Variants in PCDHGA5 observed in about 807,000 individuals in gnomAD.
PCDHGA5 encodes the protein protocadherin gamma-A5.
Under a neutral mutation model 56.7 loss-of-function variants are expected in PCDHGA5, and 36 were observed. The observed-to-expected ratio is 0.64, with a 90% confidence interval of 0.49 to 0.84. PCDHGA5 has a LOEUF of 0.84. PCDHGA5 is among the 40% of genes least tolerant of loss of function. The pLI, the probability that PCDHGA5 is intolerant of heterozygous loss-of-function variation, is 0.00. For missense variants in PCDHGA5, 1,305 were observed against 1,201.5 expected (o/e 1.09, Z -1.27); for synonymous variants, 563 against 520.2 (o/e 1.08, Z -1.12).
At chr5:141,408,947 ATTAGTC>A in intron 1 of PCDHGA5, 6 of 1,613,666 alleles carry the variant, frequency 3.7e-6, no homozygotes, top group Non-Finnish European at 5.1e-6. Context: ...CGAATATAGA[ATTAGTC>A]TTAGTGAAAA....
intron 1 of PCDHGA5, chr5:141,376,596 T>C: frequency 6.5e-7 from 1 of 1,549,136 alleles, no homozygotes; most frequent in South Asian, 1.2e-5. Flanking sequence ...GATCGGCTGT[T>C]ATAGAAGCGA....
chr5:141,494,701 C>G, intron 1 of PCDHGA5, 106 bp from the exon 2 acceptor site: 1 of 1,594,596 alleles, frequency 6.3e-7, no homozygotes, highest in Non-Finnish European at 8.6e-7. Context: ...CCGTTTTCTT[C>G]TCTGTGCCCA....
chr5:141,375,629 G>A (rs567513392), intron 1 of PCDHGA5: 3 of 1,614,192 alleles, frequency 1.9e-6, no homozygotes, highest in Admixed American at 1.7e-5. Flanking sequence ...GATTCTGTAC[G>A]CCCTGCGCTC....
intron 1 of PCDHGA5, among the ~76,000 whole-genome samples, chr5:141,434,467 T>C (rs1397980716): frequency 6.6e-6 from 1 of 152,226 alleles, no homozygotes; most frequent in Non-Finnish European, 1.5e-5. Flanking sequence ...TTTACCGGAA[T>C]GAGGGCAAGG....
intron 1 of PCDHGA5, among the ~76,000 whole-genome samples, chr5:141,460,653 GT>G (rs2098994590): frequency 6.6e-6 from 1 of 151,844 alleles, no homozygotes; most frequent in Admixed American, 6.6e-5. Context: ...TTACACATAT[GT>G]AACTGTAAAC....
chr5:141,374,152 G>T (rs1190094932), intron 1 of PCDHGA5: 1 of 1,612,132 alleles, frequency 6.2e-7, no homozygotes. Context: ...TGGGGACGCT[G>T]TGGGGGGCCG....
rs201673318 is a variant in PCDHGA5, at chr5:141,421,626, C to G, written c.2421+54875C>G. On this transcript the variant is annotated intron_variant, in intron 1 of 3. Coordinates refer to ENST00000518069, the MANE Select transcript of PCDHGA5 (RefSeq NM_018918.3). ...TAGATATTAATGATAACGCCCCCAG[C>G]TTCCAGGAGGACGAAGTGGAGATAA... 1.9e-6 allele frequency: 3 copies of G among 1,613,842 alleles called. No individual in the cohort carries two copies. In the African/African-American group the frequency reaches 4.0e-5, roughly 21 times the overall value.
chr5:141,482,758 T>TGC (rs1413945459), intron 1 of PCDHGA5, among the ~76,000 whole-genome samples: 74 of 141,724 alleles, frequency 5.2e-4, no homozygotes, highest in African/African-American at 9.9e-4. Flanking sequence ...ATTATGGTAT[T>TGC]TCATTATCAC....
Position 141,486,824 on chromosome 5 carries a change from G to A in PCDHGA5, c.2422-7983G>A, listed in dbSNP as rs749609525. On this transcript the variant is annotated intron_variant, in intron 1 of 3. Coordinates refer to ENST00000518069, the MANE Select transcript of PCDHGA5 (RefSeq NM_018918.3). The surrounding 1 kb of genome is among the most constrained non-coding windows in gnomAD (Gnocchi z 5.0). ...CCCACCCCTTAGCAGCACTGTAACA[G>A]TTCGTCTATTTGTGCTGGACCTCAA... is the stretch of plus-strand genomic sequence containing the variant. 1 of 1,614,218 alleles carries A rather than the reference G, an allele frequency of 6.2e-7. No homozygotes were observed. Among genetic ancestry groups the A allele is most frequent in the Non-Finnish European group, 8.5e-7 (1 of 1,180,028 alleles).
In PCDHGA5 at chr5:141,364,193, A is replaced by G. The variant is rs1588593751; in HGVS notation, c.-138A>G. On this transcript the variant is annotated 5_prime_UTR_variant, in exon 1 of 4. Coordinates refer to ENST00000518069, the MANE Select transcript of PCDHGA5 (RefSeq NM_018918.3). ...ACTCTGCTCCCTCCATACTAAACAC[A>G]CAGACCAGACAAGCTCCTACGAAAA... The G allele has an allele frequency of 9.4e-7, 1 of 1,067,164 alleles. No homozygotes were observed. The highest frequency in any genetic ancestry group is 1.3e-6 in the Non-Finnish European group (1 of 771,834). The allele number at this position is 1,067,164 out of a possible 1,614,324, so 66.1% of individuals were successfully genotyped here.
intron 3 of PCDHGA5, among the ~76,000 whole-genome samples, chr5:141,510,329 A>T (rs1433056614): frequency 2.7e-5 from 4 of 150,230 alleles, no homozygotes; most frequent in Admixed American, 2.7e-4. Flanking sequence ...AGCACTCTTC[A>T]CCCCCACCCC....
intron 3 of PCDHGA5, 137 bp from the exon 4 acceptor site, chr5:141,510,810 A>T: frequency 6.6e-7 from 1 of 1,519,768 alleles, no homozygotes; most frequent in African/African-American, 1.4e-5. Context: ...TACCTTGGTG[A>T]CCCCTATATT....
At chr5:141,407,336 G>C (rs1005803062) in intron 1 of PCDHGA5, among the ~76,000 whole-genome samples, 1 of 152,124 alleles carries the variant, frequency 6.6e-6, no homozygotes, top group South Asian at 2.1e-4. Context: ...ATATTGAAAT[G>C]TATGTTAATT....
chr5:141,482,728 A>T (rs192207285), intron 1 of PCDHGA5, among the ~76,000 whole-genome samples: 97 of 128,396 alleles, frequency 7.6e-4, no homozygotes, highest in Admixed American at 3.3e-3. Context: ...GGGCCATTGC[A>T]AGAAATTCCA....
In PCDHGA5 at chr5:141,403,683, A is replaced by G. The variant is rs757429628; in HGVS notation, c.2421+36932A>G. 2.5e-6 allele frequency: 4 copies of G among 1,613,804 alleles called. No individual in the cohort carries two copies. The highest frequency in any genetic ancestry group is 1.7e-6 in the Non-Finnish European group (2 of 1,179,888). ...AATGATAATGCCCCGGTTTTTGCTC[A>G]ACGGATTTACCGAGTTAAAGTCCTT... On this transcript the variant is annotated intron_variant, in intron 1 of 3. Transcript: ENST00000518069.
chr5:141,489,427 C>G lies in PCDHGA5; in HGVS notation c.2422-5380C>G, dbSNP rs370540900. ...AAAGATGACAGATCTGTTGAGCCGG[C>G]GGCTGCAATTGGGCTCTGAGGAGAA... On this transcript the variant is annotated intron_variant, in intron 1 of 3. Transcript: ENST00000518069. The surrounding 1 kb of genome is among the most constrained non-coding windows in gnomAD (Gnocchi z 4.5). 6.2e-7 allele frequency: 1 copy of G among 1,614,108 alleles called. No homozygotes were observed. Among genetic ancestry groups the G allele is most frequent in the South Asian group, 1.1e-5 (1 of 91,086 alleles).
intron 1 of PCDHGA5, chr5:141,423,302 T>G (rs1221185261): frequency 6.2e-7 from 1 of 1,614,144 alleles, no homozygotes. Context: ...GACCTCTCGC[T>G]GTACTTGGTG....
At chr5:141,382,791 C>T in intron 1 of PCDHGA5, 1 of 942,536 alleles carries the variant, frequency 1.1e-6, no homozygotes, top group Non-Finnish European at 1.6e-6. Context: ...AGCCTCTATC[C>T]TGCTGGATTC....
chr5:141,425,500 T>C (rs2096879850), intron 1 of PCDHGA5, among the ~76,000 whole-genome samples: 1 of 152,246 alleles, frequency 6.6e-6, no homozygotes, highest in South Asian at 2.1e-4. Context: ...GCTATACCTT[T>C]ATATTCTCTT....
Sources: allele counts gnomAD v4.1 joint callset (sites outside exome capture counted in the v4.1 genomes callset), GRCh38; gene constraint gnomAD v4.1.1; non-coding constraint Gnocchi (gnomAD v3.1); transcripts MANE v1.5; gene names NCBI Gene and HGNC (gene_info 2026-07-23, HGNC 2026-07-21).